The following CALCR variants were observed in gnomAD, a reference collection of about 807,000 sequenced individuals.
CALCR encodes calcitonin receptor.
CALCR carries 47 observed loss-of-function variants against 59.5 expected under a neutral mutation model. The observed-to-expected ratio is 0.79, with a 90% CI of 0.63 to 1.01. The LOEUF (loss-of-function observed/expected upper bound fraction) is 1.01. Among genes scored for constraint, CALCR ranks in the 50% least tolerant of loss-of-function variants. The pLI is 0.00. For missense variants in CALCR, 566 were observed against 597.1 expected (o/e 0.95, Z 0.54); for synonymous variants, 213 against 211.3 (o/e 1.01, Z -0.07).
chr7:93,478,541 T>G (rs948148835), intron 4 of CALCR, among the ~76,000 whole-genome samples: 1 of 151,442 alleles, frequency 6.6e-6, no homozygotes, highest in Non-Finnish European at 1.5e-5. Context: ...AATACAAAAA[T>G]TTGCTGGGCA....
At chr7:93,506,499 A>C (rs1327950389) in intron 2 of CALCR, among the ~76,000 whole-genome samples, 1 of 152,164 alleles carries the variant, frequency 6.6e-6, no homozygotes, top group Non-Finnish European at 1.5e-5. Flanking sequence ...TCAAACAAGC[A>C]AAAAGCAACA....
chr7:93,450,486 A>T (rs181286328), intron 8 of CALCR, among the ~76,000 whole-genome samples: 4 of 151,592 alleles, frequency 2.6e-5, no homozygotes, highest in Non-Finnish European at 5.9e-5. Context: ...CTCTTCTCTG[A>T]CTCTTTTCTT....
At chr7:93,540,636 C>A (rs1289544418) in intron 2 of CALCR, among the ~76,000 whole-genome samples, 1 of 150,524 alleles carries the variant, frequency 6.6e-6, no homozygotes, top group Non-Finnish European at 1.5e-5. Context: ...TCTAACTGTC[C>A]TAATTTTAAA....
intron 6 of CALCR, among the ~76,000 whole-genome samples, chr7:93,472,107 T>C (rs1800564432): frequency 6.6e-6 from 1 of 151,810 alleles, no homozygotes; most frequent in Non-Finnish European, 1.5e-5. Context: ...ATCTGCTCTA[T>C]GGACACTTAT....
chr7:93,446,997 A>G (rs1193593091), intron 8 of CALCR, among the ~76,000 whole-genome samples: 2 of 152,008 alleles, frequency 1.3e-5, no homozygotes, highest in South Asian at 4.1e-4. Flanking sequence ...ACTGTGAATG[A>G]TATGTAAGTG....
chr7:93,551,546 A>G (rs1193512231), intron 2 of CALCR, among the ~76,000 whole-genome samples: 1 of 152,216 alleles, frequency 6.6e-6, no homozygotes, highest in East Asian at 1.9e-4. Context: ...ATACGATAGT[A>G]ACTTTATTTG....
At chr7:93,470,258 T>TACACACAC (rs60525647) in intron 6 of CALCR, among the ~76,000 whole-genome samples, 3 of 147,822 alleles carry the variant, frequency 2.0e-5, no homozygotes, top group Admixed American at 1.4e-4. Context: ...AGGAATCTTA[T>TACACACAC]ACACACACAC....
At chr7:93,486,643 T>G (rs1800950219) in intron 3 of CALCR, among the ~76,000 whole-genome samples, 1 of 151,544 alleles carries the variant, frequency 6.6e-6, no homozygotes, top group African/African-American at 2.4e-5. Context: ...ATTTACCAAC[T>G]ATGTTAATTT....
At chr7:93,478,738 T>A (rs2115886398) in intron 4 of CALCR, among the ~76,000 whole-genome samples, 1 of 151,748 alleles carries the variant, frequency 6.6e-6, no homozygotes, top group Non-Finnish European at 1.5e-5. Context: ...GCAATGAGCT[T>A]GCCCATCACA....
chr7:93,557,575 T>C (rs1789640770), intron 2 of CALCR, among the ~76,000 whole-genome samples: 1 of 151,944 alleles, frequency 6.6e-6, no homozygotes, highest in Non-Finnish European at 1.5e-5. Flanking sequence ...TTTTCAGAAA[T>C]TATCACCATA....
chr7:93,443,844 G>T, intron 8 of CALCR, 87 bp from the exon 9 acceptor site: 1 of 1,119,036 alleles, frequency 8.9e-7, no homozygotes. Context: ...ACAAGCCAAA[G>T]TATCTGCATT....
rs77486307 is a variant in CALCR at position 93,521,900 on chromosome 7, C to T, written c.-26-34893G>A. Among the ~76,000 whole-genome samples, 349 of 152,236 alleles carry T rather than the reference C, an allele frequency of 2.3e-3. 2 individuals are homozygous for T. Among genetic ancestry groups the T allele is most frequent in the African/African-American group, 8.2e-3 (342 of 41,558 alleles). On this transcript the variant is annotated intron_variant, in intron 2 of 13. Coordinates refer to ENST00000426151, the MANE Select transcript of CALCR (RefSeq NM_001742.4). ...TGATTGCTAACTTTTGTTATGTGGT[C>T]AAGCTCTGGCTTTACAGTATCATTT...
At position 93,574,481 on chromosome 7, in the gene CALCR, A is replaced by G. The variant is rs1316600469; in HGVS notation, c.-219T>C. On this transcript the variant is annotated 5_prime_UTR_variant, in exon 2 of 14. Coordinates refer to ENST00000426151, the MANE Select transcript of CALCR (RefSeq NM_001742.4). ...GTCCGCCAGCCGCGCGGCGCAGCCC[A>G]CCCAGACGCTGGTGGGCTGGCTTTC... 6.6e-6 allele frequency: 1 copy of G among 152,132 alleles called. No homozygotes were observed. The highest frequency in any genetic ancestry group is 2.4e-5 in the African/African-American group (1 of 41,424). The allele number at this position is 152,132 out of a possible 1,614,324, so 9.4% of individuals were successfully genotyped here. A position where few individuals can be genotyped will look rare whatever the true frequency, so the allele number is the denominator to read the frequency against.
intron 2 of CALCR, among the ~76,000 whole-genome samples, chr7:93,565,773 T>C (rs1049354310): frequency 6.6e-6 from 1 of 152,200 alleles, no homozygotes; most frequent in Admixed American, 6.5e-5. Context: ...CCCTGTGCCA[T>C]GAACTTCTGT....
chr7:93,506,546 T>C (rs965014255), intron 2 of CALCR, among the ~76,000 whole-genome samples: 4 of 152,138 alleles, frequency 2.6e-5, no homozygotes, highest in Admixed American at 2.0e-4. Context: ...TAAATGGCCC[T>C]GTAGAAAACA....
chr7:93,459,663 T>G (rs1297618944), intron 8 of CALCR, among the ~76,000 whole-genome samples: 6 of 152,134 alleles, frequency 3.9e-5, no homozygotes, highest in African/African-American at 1.4e-4. Flanking sequence ...CAGTAGCTAT[T>G]TCATATTTAT....
chr7:93,539,850 G>A (rs1405505194), intron 2 of CALCR, among the ~76,000 whole-genome samples: 4 of 152,136 alleles, frequency 2.6e-5, no homozygotes, highest in Non-Finnish European at 4.4e-5. Flanking sequence ...GCCTTTGTAT[G>A]ACCTGAACTG....
intron 2 of CALCR, among the ~76,000 whole-genome samples, chr7:93,540,223 A>C (rs1438967349): frequency 6.6e-6 from 1 of 152,212 alleles, no homozygotes; most frequent in Non-Finnish European, 1.5e-5. Context: ...GTGCCTGTGA[A>C]ACAGTTGCAT....
chr7:93,500,012 G>A (rs987600610), intron 2 of CALCR, among the ~76,000 whole-genome samples: 3 of 151,782 alleles, frequency 2.0e-5, no homozygotes, highest in African/African-American at 7.2e-5. Flanking sequence ...ATTAAATGAT[G>A]AAACTGGAAG....
Sources: gnomAD v4.1 joint callset for allele counts (sites outside exome capture counted in the v4.1 genomes callset) on GRCh38, gnomAD v4.1.1 for gene constraint, MANE v1.5 for transcripts, NCBI Gene and HGNC (gene_info 2026-07-23, HGNC 2026-07-21) for gene names.